Variants in CPEB3 observed in about 807,000 individuals in gnomAD.
The protein encoded by CPEB3 is cytoplasmic polyadenylation element binding protein 3.
Under a neutral mutation model 67.2 loss-of-function variants are expected in CPEB3, and 20 were observed. That is an observed-to-expected ratio of 0.30 (90% CI 0.21 to 0.43). The LOEUF (loss-of-function observed/expected upper bound fraction) is 0.43, where lower values mean the gene tolerates loss of function less well. Ranked by LOEUF, CPEB3 falls within the 20% of genes least tolerant of loss-of-function variation. The pLI, the probability that CPEB3 is intolerant of heterozygous loss-of-function variation, is 1.00. For missense variants in CPEB3, 746 were observed against 968.6 expected, an observed-to-expected ratio of 0.77 and a Z score of 3.05; for synonymous variants, 376 against 393.1, an observed-to-expected ratio of 0.96 and a Z score of 0.51.
At chr10:92,055,827 C>T (rs781362899) in intron 9 of CPEB3, among the ~76,000 whole-genome samples, 2 of 151,982 alleles carry the variant, frequency 1.3e-5, no homozygotes, top group African/African-American at 4.8e-5. Flanking sequence ...ATCCTTTGAG[C>T]CCAGGAGTTC....
At chr10:92,137,471 C>T (rs939945776) in intron 6 of CPEB3, 11 of 1,230,920 alleles carry the variant, frequency 8.9e-6, no homozygotes, top group Non-Finnish European at 1.3e-5. Context: ...AACAGCAACA[C>T]CCAGGTGGTT....
At chr10:92,184,215 C>T (rs781312294) in intron 3 of CPEB3, among the ~76,000 whole-genome samples, 25 of 152,182 alleles carry the variant, frequency 1.6e-4, no homozygotes, top group Non-Finnish European at 3.1e-4. Flanking sequence ...TGGTGAAAAG[C>T]AGAACACTTT....
chr10:92,169,495 C>T (rs1026111866), intron 4 of CPEB3, among the ~76,000 whole-genome samples: 16 of 152,230 alleles, frequency 1.1e-4, no homozygotes, highest in African/African-American at 3.6e-4. Context: ...AGAGCCTTCT[C>T]TCCCCCAGTA....
chr10:92,094,297 T>G (rs1019195990), intron 7 of CPEB3, among the ~76,000 whole-genome samples: 1 of 152,154 alleles, frequency 6.6e-6, no homozygotes, highest in East Asian at 1.9e-4. Flanking sequence ...TCCACCTTTA[T>G]TGCATGAAAA....
At chr10:92,067,255 C>CT (rs1192659257) in intron 9 of CPEB3, among the ~76,000 whole-genome samples, 1 of 152,108 alleles carries the variant, frequency 6.6e-6, no homozygotes, top group Non-Finnish European at 1.5e-5. Flanking sequence ...AATCACAGCA[C>CT]TTTGAGAGGC....
At chr10:92,245,731 C>G (rs1852031171) in intron 1 of CPEB3, among the ~76,000 whole-genome samples, 1 of 152,106 alleles carries the variant, frequency 6.6e-6, no homozygotes, top group African/African-American at 2.4e-5. Context: ...GCCACATTTT[C>G]AAGTATTCTA....
intron 6 of CPEB3, among the ~76,000 whole-genome samples, chr10:92,129,674 T>A (rs903819587): frequency 6.6e-6 from 1 of 152,110 alleles, no homozygotes; most frequent in Non-Finnish European, 1.5e-5. Flanking sequence ...GGCCTTCATA[T>A]CTACTCTCTC....
chr10:92,156,861 T>C (rs1319586044), intron 4 of CPEB3, among the ~76,000 whole-genome samples: 4 of 152,202 alleles, frequency 2.6e-5, no homozygotes, highest in Non-Finnish European at 5.9e-5. Context: ...TAGTCACTCA[T>C]TCAACAAATA....
intron 1 of CPEB3, among the ~76,000 whole-genome samples, chr10:92,257,484 T>TA (rs753061893): frequency 4.2e-4 from 64 of 151,934 alleles, no homozygotes; most frequent in Non-Finnish European, 6.5e-4. Context: ...TTAGTATAGA[T>TA]AGAGTTTTGC....
chr10:92,237,065 CTTT>C (rs780401273), intron 2 of CPEB3, among the ~76,000 whole-genome samples: 11 of 152,110 alleles, frequency 7.2e-5, no homozygotes, highest in Non-Finnish European at 1.2e-4. Flanking sequence ...TATTTTCTTC[CTTT>C]TTTAGAAAAA....
chr10:92,243,226 T>C (rs1851923544), intron 1 of CPEB3: 1 of 152,242 alleles, frequency 6.6e-6, no homozygotes, highest in African/African-American at 2.4e-5. Context: ...GTATTTATTT[T>C]CTTCTTTCAG....
intron 6 of CPEB3, among the ~76,000 whole-genome samples, chr10:92,133,798 A>G (rs554119048): frequency 3.3e-5 from 5 of 152,350 alleles, no homozygotes; most frequent in South Asian, 2.1e-4. Context: ...CCAGCAGCAC[A>G]TGAAAAAGCT....
At chr10:92,152,394 G>A (rs569744673) in intron 4 of CPEB3, among the ~76,000 whole-genome samples, 64 of 152,098 alleles carry the variant, frequency 4.2e-4, no homozygotes, top group Non-Finnish European at 7.1e-4. Flanking sequence ...ATACAAATAC[G>A]TGACTCTTGA....
intron 6 of CPEB3, among the ~76,000 whole-genome samples, chr10:92,115,051 C>CGCGG (rs1844939529): frequency 6.6e-6 from 1 of 152,232 alleles, no homozygotes; most frequent in Admixed American, 6.5e-5. Flanking sequence ...CCCCGGCGGC[C>CGCGG]GCGGGCGCGG....
At chr10:92,229,600 A>C (rs1056540299) in intron 2 of CPEB3, among the ~76,000 whole-genome samples, 3 of 149,674 alleles carry the variant, frequency 2.0e-5, no homozygotes, top group African/African-American at 7.4e-5. Context: ...TGGCATACCA[A>C]ATCTACACAT....
intron 2 of CPEB3, among the ~76,000 whole-genome samples, chr10:92,204,710 T>C (rs1041436517): frequency 6.6e-6 from 1 of 152,192 alleles, no homozygotes; most frequent in African/African-American, 2.4e-5. Flanking sequence ...CTCAAGTTTA[T>C]TGTACAACTC....
intron 7 of CPEB3, among the ~76,000 whole-genome samples, chr10:92,095,646 T>C (rs1014019940): frequency 6.7e-6 from 1 of 148,284 alleles, no homozygotes; most frequent in Admixed American, 6.8e-5. Flanking sequence ...ATATATATAA[T>C]ATATATACTT....
At chr10:92,151,736 C>A (rs984194412) in intron 4 of CPEB3, among the ~76,000 whole-genome samples, 6 of 152,320 alleles carry the variant, frequency 3.9e-5, no homozygotes, top group Admixed American at 3.3e-4. Context: ...TCACTTCAGC[C>A]AGAATCTCAA....
intron 6 of CPEB3, among the ~76,000 whole-genome samples, chr10:92,134,113 A>G (rs1185317005): frequency 2.0e-5 from 3 of 152,220 alleles, no homozygotes; most frequent in South Asian, 4.1e-4. Context: ...GCACAAGACA[A>G]GAATGCCCTC....
Sources: gnomAD v4.1 joint callset for allele counts (sites outside exome capture counted in the v4.1 genomes callset) on GRCh38, gnomAD v4.1.1 for gene constraint, MANE v1.5 for transcripts, NCBI Gene and HGNC (gene_info 2026-07-23, HGNC 2026-07-21) for gene names.